The following CCDC117 variants were observed in gnomAD, a reference collection of about 807,000 sequenced individuals.
CCDC117 encodes the protein coiled-coil domain containing 117, also known as coiled-coil domain-containing protein 117.
In CCDC117, 1 loss-of-function variant was observed where a neutral mutation model predicts 23.5. That is an observed-to-expected ratio of 0.04 (90% confidence interval 0.02 to 0.20). The LOEUF is 0.20. CCDC117 is among the 10% of genes least tolerant of loss of function. The pLI, the probability that CCDC117 is intolerant of heterozygous loss-of-function variation, is 1.00. For missense variants in CCDC117, 383 were observed against 348.2 expected (o/e 1.10, Z -0.80); for synonymous variants, 132 against 124.8 (o/e 1.06, Z -0.39).
intron 3 of CCDC117, among the ~76,000 whole-genome samples, 158 bp downstream of exon 3, chr22:28,781,330 G>GTTTTTTTTTTTTTTTTTTTTTTTTTTT (rs1404977996): frequency 2.7e-5 from 1 of 37,628 alleles, no homozygotes; most frequent in Non-Finnish European, 4.5e-5. Flanking sequence ...TTGTTTTTTT[G>GTTTTTTTTTTTTTTTTTTTTTTTTTTT]TTTTGTTTTT....
At chr22:28,779,150 T>G (rs906332476) in intron 2 of CCDC117, among the ~76,000 whole-genome samples, 1 of 152,096 alleles carries the variant, frequency 6.6e-6, no homozygotes, top group African/African-American at 2.4e-5. Flanking sequence ...TCTTAGCTGT[T>G]TTTTGTAAGT....
chr22:28,773,561 C>G (rs2031063374), intron 1 of CCDC117, among the ~76,000 whole-genome samples, 164 bp from the exon 2 acceptor site: 1 of 152,188 alleles, frequency 6.6e-6, no homozygotes, highest in Admixed American at 6.5e-5. Flanking sequence ...TCGGGGCAAT[C>G]CACCGTTACC....
chr22:28,775,310 G>A (rs5762784), intron 2 of CCDC117, among the ~76,000 whole-genome samples: 60,270 of 152,034 alleles, frequency 0.4, 13,210 homozygotes, highest in East Asian at 0.68. Context: ...AGGACTTGGT[G>A]TAGATAATTA....
intron 2 of CCDC117, among the ~76,000 whole-genome samples, chr22:28,777,138 A>T (rs7290958): frequency 0.12 from 17,469 of 149,128 alleles, 1,460 homozygotes; most frequent in East Asian, 0.27. Context: ...TCCCGTGTTC[A>T]AGTGATTCTC....
chr22:28,776,105 C>T (rs1451580028), intron 2 of CCDC117, among the ~76,000 whole-genome samples: 1 of 152,082 alleles, frequency 6.6e-6, no homozygotes, highest in Non-Finnish European at 1.5e-5. Flanking sequence ...CATTAGGCAT[C>T]CACATTAAAG....
chr22:28,773,904 A>G (rs2031079050), intron 2 of CCDC117, 126 bp downstream of exon 2: 1 of 759,894 alleles, frequency 1.3e-6, no homozygotes, highest in South Asian at 1.6e-5. Flanking sequence ...CACAGAAATT[A>G]GTGACATTGG....
chr22:28,782,207 G>A (rs2031363409), intron 3 of CCDC117, among the ~76,000 whole-genome samples: 1 of 150,300 alleles, frequency 6.7e-6, no homozygotes, highest in Non-Finnish European at 1.5e-5. Context: ...CAAAGTGCTG[G>A]GATTACAGGC....
chr22:28,784,324 C>T (rs2031445669), intron 4 of CCDC117, among the ~76,000 whole-genome samples: 1 of 152,216 alleles, frequency 6.6e-6, no homozygotes, highest in African/African-American at 2.4e-5. Context: ...CCTGGGGCCC[C>T]TGAGTAATGA....
At chr22:28,782,344 C>T (rs145855304) in intron 3 of CCDC117, among the ~76,000 whole-genome samples, 6 of 150,614 alleles carry the variant, frequency 4.0e-5, no homozygotes, top group Non-Finnish European at 5.9e-5. Context: ...CTGCAACCTC[C>T]GCCTCCCAGG....
chr22:28,773,844 A>G, intron 2 of CCDC117, 66 bp downstream of exon 2: 2 of 1,231,142 alleles, frequency 1.6e-6, no homozygotes, highest in East Asian at 2.3e-5. Context: ...TATAGTCTAA[A>G]TTACTTAAGT....
At chr22:28,783,703 C>G (rs2031426767) in intron 4 of CCDC117, 58 bp downstream of exon 4, 20 of 1,519,798 alleles carry the variant, frequency 1.3e-5, no homozygotes, top group Non-Finnish European at 1.7e-5. Flanking sequence ...GACCCAATGT[C>G]TAGATTCTGC....
rs751223225 is a variant in CCDC117 at position 28,786,339 on chromosome 22, A to G, written c.*13A>G. 8.3e-6 allele frequency: 13 copies of G among 1,570,802 alleles called. No homozygotes were observed. Among genetic ancestry groups the G allele is most frequent in the South Asian group, 1.1e-5 (1 of 89,850 alleles). On this transcript the variant is annotated 3_prime_UTR_variant, in exon 5 of 5. Transcript: ENST00000249064. ...GATGGAACTCTAGAAACCAATTTCTACACTAAAGTTGTCAAATGTTAGAAG... is the reference window on the plus strand; with the variant it reads ...GATGGAACTCTAGAAACCAATTTCTGCACTAAAGTTGTCAAATGTTAGAAG...
intron 1 of CCDC117, 59 bp from the exon 2 acceptor site, chr22:28,773,666 A>T (rs76468250): frequency 0.056 from 77,847 of 1,384,648 alleles, 2,667 homozygotes; most frequent in Admixed American, 0.11. Flanking sequence ...GAAAGAGGAT[A>T]CTGAAACCAC....
chr22:28,782,696 C>T (rs376716128), intron 3 of CCDC117, among the ~76,000 whole-genome samples: 6 of 152,132 alleles, frequency 3.9e-5, no homozygotes, highest in Non-Finnish European at 8.8e-5. Context: ...CTCTGCCTCC[C>T]AGAGGGCTGG....
intron 3 of CCDC117, 60 bp downstream of exon 3, chr22:28,781,232 A>G: frequency 4.3e-6 from 4 of 935,624 alleles, no homozygotes; most frequent in Non-Finnish European, 6.8e-6. Flanking sequence ...CTCTGCTCAT[A>G]TAAGCTAGTT....
At chr22:28,778,109 TGGCCTC>T (rs1359108622) in intron 2 of CCDC117, among the ~76,000 whole-genome samples, 3 of 151,976 alleles carry the variant, frequency 2.0e-5, no homozygotes, top group South Asian at 2.1e-4. Context: ...CCTCCCAAAG[TGGCCTC>T]GGCCTCCCAA....
intron 4 of CCDC117, among the ~76,000 whole-genome samples, chr22:28,784,814 A>G (rs545662769): frequency 1.2e-4 from 18 of 152,240 alleles, no homozygotes; most frequent in Non-Finnish European, 1.8e-4. Context: ...TCTGTTGCCC[A>G]GGCTGGAGTG....
intron 2 of CCDC117, 71 bp from the exon 3 acceptor site, chr22:28,780,872 TGATTG>T (rs2031294514): frequency 4.6e-6 from 5 of 1,096,916 alleles, no homozygotes; most frequent in Non-Finnish European, 6.6e-6. Flanking sequence ...TACAAAAACT[TGATTG>T]GAGATAGGAA....
Position 28,781,947 on chromosome 22 carries a change from C to G in CCDC117, c.464+775C>G, listed in dbSNP as rs895707752. Among the ~76,000 whole-genome samples the G allele has an allele frequency of 4.1e-5, 6 of 146,992 alleles. No individual in the cohort carries two copies. The East Asian group carries it at 6.1e-4, about 15-fold the overall frequency. On this transcript the variant is annotated intron_variant, in intron 3 of 4. Coordinates refer to ENST00000249064, the MANE Select transcript of CCDC117 (RefSeq NM_173510.4). ...CGTGAGCCACACCACCCAGCCCCCC[C>G]CCTTTTTTTTTTTTAAATTGATACA...
Sources: allele counts gnomAD v4.1 joint callset (sites outside exome capture counted in the v4.1 genomes callset), GRCh38; gene constraint gnomAD v4.1.1; transcripts MANE v1.5; gene names NCBI Gene and HGNC (gene_info 2026-07-23, HGNC 2026-07-21).